The following NUDCD3 variants were observed in gnomAD, a reference collection of about 807,000 sequenced individuals.
The protein encoded by NUDCD3 is NudC domain containing 3.
NUDCD3 carries 13 observed loss-of-function variants against 39.7 expected under a neutral mutation model. The observed-to-expected ratio is 0.33, with a 90% confidence interval of 0.21 to 0.52. The LOEUF (loss-of-function observed/expected upper bound fraction) is 0.52, where lower values mean the gene tolerates loss of function less well. NUDCD3 is among the 20% of genes least tolerant of loss of function. NUDCD3 has a pLI of 0.96. For missense variants in NUDCD3, 453 were observed against 458.1 expected (o/e 0.99, Z 0.10); for synonymous variants, 175 against 172.4 (o/e 1.02, Z -0.12).
chr7:44,429,359 G>T (rs1475655020), intron 2 of NUDCD3, among the ~76,000 whole-genome samples: 2 of 152,176 alleles, frequency 1.3e-5, no homozygotes, highest in African/African-American at 4.8e-5. Context: ...TTAAAAGGGG[G>T]ACTTTGGAGA....
intron 2 of NUDCD3, among the ~76,000 whole-genome samples, chr7:44,428,511 C>G (rs569421428): frequency 2.6e-5 from 4 of 151,766 alleles, no homozygotes; most frequent in Non-Finnish European, 5.9e-5. Context: ...AACCCCTAGC[C>G]TCTATTTTTT....
intron 2 of NUDCD3, among the ~76,000 whole-genome samples, chr7:44,456,709 T>C (rs141417440): frequency 0.015 from 2,271 of 151,614 alleles, 34 homozygotes; most frequent in Non-Finnish European, 0.02. Flanking sequence ...TGAGCCATGA[T>C]TGCACCACTG....
At chr7:44,394,442 T>C (rs968605741) in intron 4 of NUDCD3, among the ~76,000 whole-genome samples, 1 of 152,178 alleles carries the variant, frequency 6.6e-6, no homozygotes, top group Non-Finnish European at 1.5e-5. Flanking sequence ...ACCAAGCTGA[T>C]GCAATGAAAA....
At chr7:44,416,452 A>C (rs1322659289) in intron 3 of NUDCD3, among the ~76,000 whole-genome samples, 3 of 152,088 alleles carry the variant, frequency 2.0e-5, no homozygotes, top group African/African-American at 7.2e-5. Context: ...AGATGGCGCC[A>C]CCGCACTCTA....
chr7:44,466,566 T>G (rs143575222), intron 2 of NUDCD3, among the ~76,000 whole-genome samples: 1 of 152,214 alleles, frequency 6.6e-6, no homozygotes, highest in Non-Finnish European at 1.5e-5. Context: ...GCCATGTGGT[T>G]CTGGGCTCAG....
chr7:44,484,560 A>T (rs1349587438), intron 2 of NUDCD3: 1 of 167,954 alleles, frequency 6.0e-6, no homozygotes, highest in African/African-American at 2.4e-5. Context: ...CAGTCACCTA[A>T]AACAGACTGT....
chr7:44,422,665 G>C, intron 3 of NUDCD3, among the ~76,000 whole-genome samples: 1 of 152,124 alleles, frequency 6.6e-6, no homozygotes, highest in East Asian at 1.9e-4. Context: ...AACCAAAAAA[G>C]CTCAGGGCCA....
chr7:44,406,611 C>A (rs2116876903), intron 3 of NUDCD3, among the ~76,000 whole-genome samples: 1 of 152,306 alleles, frequency 6.6e-6, no homozygotes, highest in Admixed American at 6.5e-5. Context: ...TCTCACACTG[C>A]CTACCCAGGG....
At chr7:44,430,317 G>A (rs1470057282) in intron 2 of NUDCD3, among the ~76,000 whole-genome samples, 3 of 152,124 alleles carry the variant, frequency 2.0e-5, no homozygotes, top group Non-Finnish European at 2.9e-5. Context: ...CAGAGAGGGG[G>A]ACTCACCCAG....
intron 2 of NUDCD3, among the ~76,000 whole-genome samples, chr7:44,475,090 A>G (rs967651911): frequency 9.9e-5 from 15 of 151,796 alleles, no homozygotes; most frequent in African/African-American, 3.1e-4. Context: ...AACACTCAAC[A>G]GTGTACATCA....
chr7:44,434,750 G>A lies in NUDCD3; in HGVS notation c.510-7047C>T, dbSNP rs184938140. On this transcript the variant is annotated intron_variant, in intron 2 of 5. Transcript: ENST00000355451. ...GTTTCCCTGAATGCTCTGTGTGTCC[G>A]TGGTGTCCAACCTGAGGTCAAGCCC... Among the ~76,000 whole-genome samples the A allele has an allele frequency of 1.1e-4, 16 of 152,298 alleles. No homozygotes were observed. The East Asian group carries it at 2.7e-3, about 26-fold the overall frequency.
Position 44,407,751 on chromosome 7 carries a change from T to C in NUDCD3, c.643-3168A>G, listed in dbSNP as rs144477803. Among the ~76,000 whole-genome samples, 160 of 151,554 alleles carry C rather than the reference T, an allele frequency of 1.1e-3. 3 individuals are homozygous for C. In the East Asian group the frequency reaches 0.028, roughly 27 times the overall value. On this transcript the variant is annotated intron_variant, in intron 3 of 5. Coordinates refer to ENST00000355451, the MANE Select transcript of NUDCD3 (RefSeq NM_015332.4). ...ATATCCATATAACCAGAATAAAATA[T>C]GAAAATAGAACAATTAGGCCAAAAA...
In NUDCD3 at chr7:44,382,603, T is replaced by C. The variant is rs188351903; in HGVS notation, c.*3408A>G. 6.6e-6 allele frequency: 1 copy of C among 152,394 alleles called. No homozygotes were observed. Among genetic ancestry groups the C allele is most frequent in the East Asian group, 1.9e-4 (1 of 5,174 alleles). 9.4% of individuals were successfully genotyped at this position (152,394 alleles called of 1,614,324 possible). A position where few individuals can be genotyped will look rare whatever the true frequency, so the allele number is the denominator to read the frequency against. ...ACGGTAGAGAGGAGCCTCAGGGACA[T>C]AGCCCAGTTCTTCAGGACCGTGGGC... is the stretch of plus-strand genomic sequence containing the variant. On this transcript the variant is annotated 3_prime_UTR_variant, in exon 6 of 6. Coordinates refer to ENST00000355451, the MANE Select transcript of NUDCD3 (RefSeq NM_015332.4).
In NUDCD3 at chr7:44,448,201, T is replaced by C. The variant is rs140257072; in HGVS notation, c.510-20498A>G. 3.9e-5 allele frequency among the ~76,000 whole-genome samples: 6 copies of C among 152,328 alleles called. No individual in the cohort carries two copies. In the East Asian group the frequency reaches 1.2e-3, roughly 29 times the overall value. ...TCTCTCATTTCCTTTGCTGCACGGCTGCCTGCCTGTCCCAATTTCAACAGT... is the reference window on the plus strand; with the variant it reads ...TCTCTCATTTCCTTTGCTGCACGGCCGCCTGCCTGTCCCAATTTCAACAGT... On this transcript the variant is annotated intron_variant, in intron 2 of 5. Transcript: ENST00000355451.
chr7:44,471,280 T>C (rs1240413315), intron 2 of NUDCD3, among the ~76,000 whole-genome samples: 1 of 152,280 alleles, frequency 6.6e-6, no homozygotes, highest in Non-Finnish European at 1.5e-5. Flanking sequence ...TTATAATAGT[T>C]AATACAATGA....
At chr7:44,463,912 G>A (rs1800067177) in intron 2 of NUDCD3, among the ~76,000 whole-genome samples, 1 of 152,022 alleles carries the variant, frequency 6.6e-6, no homozygotes, top group Non-Finnish European at 1.5e-5. Context: ...CAGTATGAGG[G>A]ACCAAAAGAA....
intron 3 of NUDCD3, among the ~76,000 whole-genome samples, chr7:44,422,990 T>G (rs535217254): frequency 1.3e-5 from 2 of 152,136 alleles, no homozygotes; most frequent in Non-Finnish European, 2.9e-5. Context: ...GTTCAACATA[T>G]GAAAATCAAT....
At chr7:44,432,591 C>T (rs758028352) in intron 2 of NUDCD3, among the ~76,000 whole-genome samples, 2 of 152,220 alleles carry the variant, frequency 1.3e-5, no homozygotes, top group South Asian at 2.1e-4. Flanking sequence ...CCCCACTTCC[C>T]GCCCCCTGGG....
intron 2 of NUDCD3, among the ~76,000 whole-genome samples, chr7:44,456,720 C>A (rs1799910472): frequency 6.7e-6 from 1 of 149,956 alleles, no homozygotes; most frequent in Non-Finnish European, 1.5e-5. Flanking sequence ...TGCACCACTG[C>A]AATACAGCCT....
Sources: allele counts gnomAD v4.1 joint callset (sites outside exome capture counted in the v4.1 genomes callset), GRCh38; gene constraint gnomAD v4.1.1; transcripts MANE v1.5; gene names NCBI Gene and HGNC (gene_info 2026-07-23, HGNC 2026-07-21).